NRG3: variants seen among roughly 807,000 people sequenced by gnomAD.
The protein encoded by NRG3 is pro-neuregulin-3, membrane-bound isoform.
NRG3 carries 31 observed loss-of-function variants against 66.9 expected under a neutral mutation model. The ratio of observed to expected loss-of-function variants is 0.46; its 90% CI spans 0.35 to 0.63. The LOEUF is 0.63. NRG3 is among the 20% of genes least tolerant of loss of function. NRG3 has a pLI of 0.00. For missense variants in NRG3, 910 were observed against 878.9 expected (o/e 1.04, Z -0.45); for synonymous variants, 393 against 359.4 (o/e 1.09, Z -1.06).
At chr10:82,257,052 C>T (rs369176762) in intron 1 of NRG3, among the ~76,000 whole-genome samples, 8 of 152,142 alleles carry the variant, frequency 5.3e-5, no homozygotes, top group African/African-American at 1.9e-4. Context: ...TTTATAACAG[C>T]GACTTCAGCT....
intron 3 of NRG3, among the ~76,000 whole-genome samples, chr10:82,774,504 A>AT (rs1163044379): frequency 1.3e-5 from 2 of 151,508 alleles, no homozygotes; most frequent in Non-Finnish European, 2.9e-5. Context: ...GGTAGGCTGT[A>AT]TTTTTTTTCT....
chr10:82,926,767 C>G lies in NRG3; in HGVS notation c.1055-24702C>G, dbSNP rs7069351. On this transcript the variant is annotated intron_variant, in intron 4 of 8. Coordinates refer to ENST00000372141, the MANE Select transcript of NRG3 (RefSeq NM_001010848.4). ...TCTAACTTTGAGGCCTGGCCTCTCT[C>G]ACAGAGTCTGTGGCAATATTAAAGT... Among the ~76,000 whole-genome samples the G allele has an allele frequency of 8.3e-3, 1,271 of 152,336 alleles. 21 individuals are homozygous for G. Among genetic ancestry groups the G allele is most frequent in the African/African-American group, 0.03 (1,228 of 41,584 alleles).
At chr10:82,372,175 A>G (rs978856650) in intron 2 of NRG3, among the ~76,000 whole-genome samples, 1 of 152,222 alleles carries the variant, frequency 6.6e-6, no homozygotes, top group Non-Finnish European at 1.5e-5. Flanking sequence ...CTGGCCAACA[A>G]AGGCTTGGAG....
chr10:82,201,026 T>C (rs2074783677), intron 1 of NRG3, among the ~76,000 whole-genome samples: 1 of 151,742 alleles, frequency 6.6e-6, no homozygotes. Flanking sequence ...TGAAACCCCA[T>C]CTCTACTAAA....
At chr10:82,907,694 T>A (rs554266963) in intron 4 of NRG3, among the ~76,000 whole-genome samples, 2 of 152,196 alleles carry the variant, frequency 1.3e-5, no homozygotes, top group African/African-American at 4.8e-5. Context: ...ATCTATACAC[T>A]TTTCATTTAT....
At chr10:82,372,917 A>T (rs953319212) in intron 2 of NRG3, among the ~76,000 whole-genome samples, 2 of 152,188 alleles carry the variant, frequency 1.3e-5, no homozygotes, top group African/African-American at 4.8e-5. Flanking sequence ...TAGATGTAGG[A>T]AATGATTTTT....
chr10:82,296,946 C>T (rs984334457), intron 1 of NRG3, among the ~76,000 whole-genome samples: 38 of 152,144 alleles, frequency 2.5e-4, no homozygotes, highest in African/African-American at 8.7e-4. Context: ...TTCCTCCCCT[C>T]TTTTGGAGTC....
chr10:82,654,306 TAA>T (rs2051675587), intron 2 of NRG3, among the ~76,000 whole-genome samples: 1 of 152,186 alleles, frequency 6.6e-6, no homozygotes, highest in South Asian at 2.1e-4. Context: ...CATTTTAAAA[TAA>T]AGAGGGTTGT....
At chr10:81,994,676 G>A (rs1330018961) in intron 1 of NRG3, among the ~76,000 whole-genome samples, 2 of 151,920 alleles carry the variant, frequency 1.3e-5, no homozygotes, top group Admixed American at 6.6e-5. Flanking sequence ...TTCTTGGTTC[G>A]TAGTTTTCTT....
At chr10:81,883,015 T>C in intron 1 of NRG3, among the ~76,000 whole-genome samples, 1 of 152,208 alleles carries the variant, frequency 6.6e-6, no homozygotes, top group South Asian at 2.1e-4. Context: ...TCTGGAAATC[T>C]GAAATCTAAA....
rs369961990 is a variant in NRG3 at position 82,504,663 on chromosome 10, G to T, written c.953+145795G>T. 3.9e-5 allele frequency among the ~76,000 whole-genome samples: 6 copies of T among 152,148 alleles called. No individual in the cohort carries two copies. In the East Asian group the frequency reaches 1.2e-3, roughly 29 times the overall value. On this transcript the variant is annotated intron_variant, in intron 2 of 8. Coordinates refer to ENST00000372141, the MANE Select transcript of NRG3 (RefSeq NM_001010848.4). ...TAACAAAATCTGCATTTAAATGAAT[G>T]TATTATAATGTGGAAAAGTAAGCCC...
At chr10:82,428,844 C>T (rs995119900) in intron 2 of NRG3, among the ~76,000 whole-genome samples, 1 of 151,818 alleles carries the variant, frequency 6.6e-6, no homozygotes, top group African/African-American at 2.4e-5. Context: ...TTGTCTATTT[C>T]TCCCTTCAAT....
intron 2 of NRG3, among the ~76,000 whole-genome samples, chr10:82,737,754 C>A (rs537584224): frequency 6.6e-6 from 1 of 152,300 alleles, no homozygotes; most frequent in East Asian, 1.9e-4. Flanking sequence ...TGAGCCACTG[C>A]TGTCCGAGGT....
chr10:82,041,091 T>G (rs931633947), intron 1 of NRG3, among the ~76,000 whole-genome samples: 4 of 152,098 alleles, frequency 2.6e-5, no homozygotes, highest in African/African-American at 9.7e-5. Flanking sequence ...CCATAAGTAA[T>G]TAAACTATGT....
At chr10:82,687,968 C>G (rs1286644967) in intron 2 of NRG3, among the ~76,000 whole-genome samples, 2 of 152,138 alleles carry the variant, frequency 1.3e-5, no homozygotes, top group Non-Finnish European at 2.9e-5. Flanking sequence ...AACTAATCTT[C>G]AGTCCTTGCT....
chr10:82,305,234 A>T (rs566314499), intron 1 of NRG3, among the ~76,000 whole-genome samples: 7 of 151,926 alleles, frequency 4.6e-5, no homozygotes, highest in Non-Finnish European at 7.4e-5. Flanking sequence ...TGACCTTGTG[A>T]TCCACCTACC....
chr10:82,073,971 C>A (rs574845600), intron 1 of NRG3, among the ~76,000 whole-genome samples: 1 of 151,906 alleles, frequency 6.6e-6, no homozygotes, highest in Admixed American at 6.6e-5. Flanking sequence ...AGTGGCAAAA[C>A]CAGACAATCA....
chr10:82,384,361 G>T (rs990624187), intron 2 of NRG3, among the ~76,000 whole-genome samples: 2 of 151,980 alleles, frequency 1.3e-5, no homozygotes, highest in African/African-American at 4.8e-5. Context: ...GTGCCATGGT[G>T]GTTTGCTGCA....
chr10:82,864,207 A>G (rs1042659671), intron 3 of NRG3, among the ~76,000 whole-genome samples: 2 of 152,136 alleles, frequency 1.3e-5, no homozygotes, highest in Non-Finnish European at 2.9e-5. Context: ...GTATCAAGTT[A>G]ACAAAAGTAA....
Sources: gnomAD v4.1 joint callset for allele counts (sites outside exome capture counted in the v4.1 genomes callset) on GRCh38, gnomAD v4.1.1 for gene constraint, MANE v1.5 for transcripts, NCBI Gene and HGNC (gene_info 2026-07-23, HGNC 2026-07-21) for gene names.